The following LDLRAD1 variants were observed in gnomAD, a reference collection of about 807,000 sequenced individuals.
LDLRAD1 encodes the protein low-density lipoprotein receptor class A domain-containing protein 1.
LDLRAD1 carries 17 observed loss-of-function variants against 24.8 expected under a neutral mutation model. The ratio of observed to expected loss-of-function variants is 0.69; its 90% CI spans 0.47 to 1.03. The LOEUF (loss-of-function observed/expected upper bound fraction) is 1.03, where lower values mean the gene tolerates loss of function less well. Ranked by LOEUF, LDLRAD1 falls within the 50% of genes least tolerant of loss-of-function variation. The pLI, the probability that LDLRAD1 is intolerant of heterozygous loss-of-function variation, is 0.00. For synonymous variants in LDLRAD1, 103 were observed against 108.2 expected, an observed-to-expected ratio of 0.95 and a Z score of 0.30; for missense variants, 277 against 271.0, an observed-to-expected ratio of 1.02 and a Z score of -0.16.
intron 5 of LDLRAD1, among the ~76,000 whole-genome samples, 162 bp from the exon 6 acceptor site, chr1:54,009,292 A>G (rs1052746435): frequency 6.6e-6 from 1 of 152,148 alleles, no homozygotes; most frequent in Admixed American, 6.5e-5. Context: ...GAGAGAATCT[A>G]GACTCCACAG....
At chr1:54,017,205 C>A (rs138870359) in intron 2 of LDLRAD1, among the ~76,000 whole-genome samples, 171 bp downstream of exon 2, 30 of 152,322 alleles carry the variant, frequency 2.0e-4, no homozygotes, top group African/African-American at 6.0e-4. Context: ...CCCTATTAAG[C>A]AAGTGACTGT....
intron 2 of LDLRAD1, among the ~76,000 whole-genome samples, chr1:54,014,660 G>A (rs1656222806): frequency 6.6e-6 from 1 of 152,238 alleles, no homozygotes; most frequent in African/African-American, 2.4e-5. Flanking sequence ...AGGACGCAGG[G>A]AGAGATGGAC....
chr1:54,014,227 C>T lies in LDLRAD1; in HGVS notation c.202+9G>A, dbSNP rs539528425. 1.7e-4 allele frequency: 269 copies of T among 1,570,872 alleles called. 3 individuals carry two copies. In the South Asian group the frequency reaches 2.9e-3, roughly 17 times the overall value. On this transcript the variant is annotated intron_variant, in intron 3 of 5. Transcript: ENST00000371360. ...CGGGTCTGACCCACCCTCTCTTGGC[C>T]GCCCTGACCTGGGGTGCATGATGGG...
At chr1:54,017,680 C>A (rs1009805928) in intron 1 of LDLRAD1, among the ~76,000 whole-genome samples, 3 of 152,126 alleles carry the variant, frequency 2.0e-5, no homozygotes, top group Non-Finnish European at 4.4e-5. Flanking sequence ...TCCTTCAAAC[C>A]GGCTTGGGCA....
At chr1:54,016,758 G>A (rs759066451) in intron 2 of LDLRAD1, among the ~76,000 whole-genome samples, 27 of 152,126 alleles carry the variant, frequency 1.8e-4, no homozygotes, top group Non-Finnish European at 3.7e-4. Flanking sequence ...CCCATAACAG[G>A]GCCCCTGTCT....
rs533267004 is a variant in LDLRAD1 at position 54,015,301 on chromosome 1, C to T, written c.74-937G>A. Among the ~76,000 whole-genome samples, 13 of 152,148 alleles carry T rather than the reference C, an allele frequency of 8.5e-5. No homozygotes were observed. The East Asian group carries it at 2.1e-3, about 25-fold the overall frequency. On this transcript the variant is annotated intron_variant, in intron 2 of 5. Coordinates refer to ENST00000371360, the MANE Select transcript of LDLRAD1 (RefSeq NM_001010978.4). Reference sequence around the variant, plus strand: ...TGCTTATTGAGGACTTACCATGTGCCGAGCCTTATTCTAAGCACTATGGAG... The same window carrying T: ...TGCTTATTGAGGACTTACCATGTGCTGAGCCTTATTCTAAGCACTATGGAG...
In LDLRAD1 at chr1:54,016,015, C is replaced by T. The variant is rs187070387; in HGVS notation, c.73+1361G>A. Among the ~76,000 whole-genome samples the T allele has an allele frequency of 3.3e-5, 5 of 152,150 alleles. No individual in the cohort carries two copies. The East Asian group carries it at 9.7e-4, about 29-fold the overall frequency. Reference sequence around the variant, plus strand: ...GGGGGTCCAGGAGGCAAGAGAAGGCCCCCAGTATGGGTCAGTCCAGGTTAT... The same window carrying T: ...GGGGGTCCAGGAGGCAAGAGAAGGCTCCCAGTATGGGTCAGTCCAGGTTAT... On this transcript the variant is annotated intron_variant, in intron 2 of 5. Coordinates refer to ENST00000371360, the MANE Select transcript of LDLRAD1 (RefSeq NM_001010978.4).
At chr1:54,017,209 T>A (rs1321275173) in intron 2 of LDLRAD1, among the ~76,000 whole-genome samples, 167 bp downstream of exon 2, 1 of 152,198 alleles carries the variant, frequency 6.6e-6, no homozygotes, top group East Asian at 1.9e-4. Context: ...ATTAAGCAAG[T>A]GACTGTCAGC....
chr1:54,012,002 C>T lies in LDLRAD1; in HGVS notation c.340+141G>A, dbSNP rs965800325. On this transcript the variant is annotated intron_variant, in intron 4 of 5. Coordinates refer to ENST00000371360, the MANE Select transcript of LDLRAD1 (RefSeq NM_001010978.4). ...TGTGTGTCCCTGACTGGGACCAGGT[C>T]GGGGCAGGTGTTCCTGGATGAAGGC... The T allele has an allele frequency of 2.6e-5, 24 of 939,184 alleles. No homozygotes were observed. The South Asian group carries it at 2.9e-4, about 11-fold the overall frequency. 58.2% of individuals were successfully genotyped at this position (939,184 alleles called of 1,614,324 possible). A position where few individuals can be genotyped will look rare whatever the true frequency, so the allele number is the denominator to read the frequency against.
intron 3 of LDLRAD1, 104 bp downstream of exon 3, chr1:54,014,132 G>C (rs1337843654): frequency 1.4e-6 from 2 of 1,382,880 alleles, no homozygotes; most frequent in Admixed American, 2.1e-5. Context: ...TTAGTCCAAA[G>C]TCACCTGGTG....
At chr1:54,014,643 C>T (rs992927247) in intron 2 of LDLRAD1, among the ~76,000 whole-genome samples, 1 of 151,568 alleles carries the variant, frequency 6.6e-6, no homozygotes, top group African/African-American at 2.4e-5. Context: ...CATCAGGAGA[C>T]TTCCTCAGGA....
At position 54,018,170 on chromosome 1, in the gene LDLRAD1, C is replaced by T. The variant is rs746400377; in HGVS notation, c.-58G>A. On this transcript the variant is annotated 5_prime_UTR_variant, in exon 1 of 6. Transcript: ENST00000371360. The stretch of plus-strand genomic sequence containing the variant: ...TGTGCAGAGAGCTCAGCACGGGTTC[C>T]CTGCATTGTCACCAAGGCCAACCTG... 4.4e-6 allele frequency: 7 copies of T among 1,605,858 alleles called. No homozygotes were observed. In the Admixed American group the frequency reaches 6.7e-5, roughly 15 times the overall value.
chr1:54,017,846 G>T (rs1656377323), intron 1 of LDLRAD1, among the ~76,000 whole-genome samples: 1 of 152,114 alleles, frequency 6.6e-6, no homozygotes, highest in Non-Finnish European at 1.5e-5. Flanking sequence ...CCCTGGGAGT[G>T]AGCCCCGGGG....
chr1:54,012,090 G>A (rs1656076170), intron 4 of LDLRAD1, 53 bp downstream of exon 4: 2 of 1,602,940 alleles, frequency 1.2e-6, no homozygotes, highest in African/African-American at 1.3e-5. Context: ...GATGCCAAGA[G>A]CATCGGAGTG....
chr1:54,009,057 T>C lies in LDLRAD1; in HGVS notation c.543A>G (p.Ile181Met), dbSNP rs1218867115. The C allele has an allele frequency of 1.9e-6, 3 of 1,613,906 alleles. No homozygotes were observed. Among genetic ancestry groups the C allele is most frequent in the East Asian group, 2.2e-5 (1 of 44,868 alleles). The change falls in exon 6 of 6, where the codon ATA (isoleucine) becomes ATG (methionine). Residue 181 changes from isoleucine to methionine, a missense_variant. Ile to Met is a conservative substitution (Grantham distance 10). Coordinates refer to ENST00000371360, the MANE Select transcript of LDLRAD1 (RefSeq NM_001010978.4). ...PSTFFKYCDC[I>M]PRHLCRDHVQ... ...CATGGTCGCGGCAGAGATGCCTCGG[T>C]ATACAGTCGCAGTACTTGAAGAAGG...
Position 54,018,142 on chromosome 1 carries a change from C to T in LDLRAD1, c.-30G>A. The T allele has an allele frequency of 6.2e-7, 1 of 1,613,128 alleles. No individual in the cohort carries two copies. Among genetic ancestry groups the T allele is most frequent in the Non-Finnish European group, 8.5e-7 (1 of 1,179,560 alleles). ...TCGGTTTCCTGCTGCCCGACTGGGG[C>T]TGTGTGCAGAGAGCTCAGCACGGGT... On this transcript the variant is annotated 5_prime_UTR_variant, in exon 1 of 6. Transcript: ENST00000371360.
At chr1:54,016,515 T>A (rs1381029764) in intron 2 of LDLRAD1, among the ~76,000 whole-genome samples, 8 of 152,142 alleles carry the variant, frequency 5.3e-5, no homozygotes, top group Non-Finnish European at 1.0e-4. Context: ...TAGGTGCCAG[T>A]CCTCTCCCTG....
In LDLRAD1 at chr1:54,008,883, AAG is replaced by A; in HGVS notation, c.*97_*98del. 1 of 994,578 alleles carries A rather than the reference AAG, an allele frequency of 1.0e-6. No homozygotes were observed. The highest frequency in any genetic ancestry group is 1.4e-6 in the Non-Finnish European group (1 of 725,888). 61.6% of individuals were successfully genotyped at this position (994,578 alleles called of 1,614,324 possible). ...GAAATGATGTGTAGATCCCATTTCAAAGGCTGCTTCCTGCCCTTGTGCGCTAG... is the reference window on the plus strand; with the variant it reads ...GAAATGATGTGTAGATCCCATTTCAAGCTGCTTCCTGCCCTTGTGCGCTAG... On this transcript the variant is annotated 3_prime_UTR_variant, in exon 6 of 6. Transcript: ENST00000371360.
In LDLRAD1 at chr1:54,010,262, G is replaced by C; in HGVS notation, c.469+20C>G. ...CTGCCTGGACACCAGCCCCAGCCCA[G>C]CCTGTGCCCAGACCCCTACCTGGGC... On this transcript the variant is annotated intron_variant, in intron 5 of 5. Transcript: ENST00000371360. 6.2e-7 allele frequency: 1 copy of C among 1,613,482 alleles called. No individual in the cohort carries two copies. Among genetic ancestry groups the C allele is most frequent in the Non-Finnish European group, 8.5e-7 (1 of 1,179,698 alleles).
Sources: allele counts gnomAD v4.1 joint callset (sites outside exome capture counted in the v4.1 genomes callset), GRCh38; gene constraint gnomAD v4.1.1; transcripts MANE v1.5; gene names NCBI Gene and HGNC (gene_info 2026-07-23, HGNC 2026-07-21).